FBXO33: variants seen among roughly 807,000 people sequenced by gnomAD.
FBXO33 encodes the protein F-box protein 33.
In FBXO33, 22 loss-of-function variants were observed where a neutral mutation model predicts 46.3. The observed-to-expected ratio is 0.48, with a 90% CI of 0.34 to 0.68. The LOEUF is 0.68. Ranked by LOEUF, FBXO33 falls within the 30% of genes least tolerant of loss-of-function variation. The pLI is 0.01. For synonymous variants in FBXO33, 337 were observed against 291.3 expected (o/e 1.16, Z -1.60); for missense variants, 692 against 708.8 (o/e 0.98, Z 0.27).
At chr14:39,422,150 C>T (rs988784957) in intron 1 of FBXO33, among the ~76,000 whole-genome samples, 5 of 152,040 alleles carry the variant, frequency 3.3e-5, no homozygotes, top group Non-Finnish European at 7.4e-5. Flanking sequence ...CTCAGCTACT[C>T]GGGAGACTGA....
At chr14:39,406,132 A>C (rs1364133351) in intron 1 of FBXO33, among the ~76,000 whole-genome samples, 1 of 152,002 alleles carries the variant, frequency 6.6e-6, no homozygotes, top group Non-Finnish European at 1.5e-5. Context: ...ATATCCATAA[A>C]TTATAAAGAC....
intron 1 of FBXO33, among the ~76,000 whole-genome samples, chr14:39,404,181 G>T (rs1442325467): frequency 6.6e-6 from 1 of 152,092 alleles, no homozygotes; most frequent in Non-Finnish European, 1.5e-5. Context: ...TTCCCTGAGG[G>T]CCTACGAAGT....
At chr14:39,421,964 AAAATAAAT>A (rs1308091772) in intron 1 of FBXO33, among the ~76,000 whole-genome samples, 1 of 152,226 alleles carries the variant, frequency 6.6e-6, no homozygotes, top group Non-Finnish European at 1.5e-5. Context: ...CCTCCAGATA[AAAATAAAT>A]ACAGACCAGG....
Position 39,398,382 on chromosome 14 carries a change from C to T in FBXO33, c.*1134G>A, listed in dbSNP as rs1250636358. 6.6e-6 allele frequency: 1 copy of T among 152,246 alleles called. No homozygotes were observed. The highest frequency in any genetic ancestry group is 1.9e-4 in the East Asian group (1 of 5,194). 9.4% of individuals were successfully genotyped at this position (152,246 alleles called of 1,614,324 possible). ...CTTCATGTATCATAGCAGCTCATAC[C>T]TGTGATAGAACAAGCTTTCAGTTTT... is the stretch of plus-strand genomic sequence containing the variant. On this transcript the variant is annotated 3_prime_UTR_variant, in exon 4 of 4. Transcript: ENST00000298097.
At chr14:39,424,504 A>C (rs554519542) in intron 1 of FBXO33, among the ~76,000 whole-genome samples, 12 of 152,202 alleles carry the variant, frequency 7.9e-5, no homozygotes, top group Non-Finnish European at 1.5e-4. Context: ...TTTATAAAAA[A>C]AATTAAAGTC....
rs1290710082 is a variant in FBXO33 at position 39,398,580 on chromosome 14, T to A, written c.*936A>T. The A allele has an allele frequency of 6.6e-6, 1 of 152,310 alleles. No individual in the cohort carries two copies. Among genetic ancestry groups the A allele is most frequent in the Non-Finnish European group, 1.5e-5 (1 of 68,000 alleles). 9.4% of individuals were successfully genotyped at this position (152,310 alleles called of 1,614,324 possible). ...CCTTAAATATTACAATCTAGCAGTATCTGGCTGGCCAGAGTGGGCCGGCCC... is the reference window on the plus strand; with the variant it reads ...CCTTAAATATTACAATCTAGCAGTAACTGGCTGGCCAGAGTGGGCCGGCCC... On this transcript the variant is annotated 3_prime_UTR_variant, in exon 4 of 4. Transcript: ENST00000298097.
At chr14:39,411,527 C>CT (rs1491426872) in intron 1 of FBXO33, among the ~76,000 whole-genome samples, 4 of 149,284 alleles carry the variant, frequency 2.7e-5, no homozygotes, top group South Asian at 2.1e-4. Flanking sequence ...CTTCCCCCCC[C>CT]TTTTTTTTTC....
chr14:39,422,702 A>G (rs1365803037), intron 1 of FBXO33, among the ~76,000 whole-genome samples: 6 of 152,232 alleles, frequency 3.9e-5, no homozygotes, highest in East Asian at 1.9e-4. Context: ...ACATAAGACA[A>G]TATCTTTTTG....
In FBXO33 at chr14:39,431,704, G is replaced by C. The variant is rs200851173; in HGVS notation, c.459C>G (p.Gly153=). The change falls in exon 1 of 4, where the codon GGC becomes GGG. Residue 153 remains glycine (G), a synonymous_variant. Transcript: ENST00000298097. ...FAAENYLSGG[G]PGDGGGADTG... is the part of the protein sequence containing the mutation. The stretch of plus-strand genomic sequence containing the variant: ...TGTCCGCGCCACCTCCGTCCCCTGG[G>C]CCACCGCCGCTCAGATAGTTCTCGG... 1.9e-6 allele frequency: 3 copies of C among 1,613,260 alleles called. No homozygotes were observed. In the Middle Eastern group the frequency reaches 4.9e-4, roughly 266 times the overall value.
At chr14:39,407,084 A>G (rs2075402115) in intron 1 of FBXO33, among the ~76,000 whole-genome samples, 1 of 152,250 alleles carries the variant, frequency 6.6e-6, no homozygotes, top group Non-Finnish European at 1.5e-5. Context: ...GTCACAGGAT[A>G]CAAGGTCAAT....
intron 1 of FBXO33, among the ~76,000 whole-genome samples, chr14:39,430,040 C>A (rs952973185): frequency 2.0e-5 from 3 of 152,206 alleles, no homozygotes; most frequent in Non-Finnish European, 4.4e-5. Context: ...GCAATTTGAT[C>A]TCAGTACAGA....
intron 1 of FBXO33, among the ~76,000 whole-genome samples, chr14:39,408,129 G>C (rs2075407330): frequency 6.6e-6 from 1 of 152,014 alleles, no homozygotes; most frequent in South Asian, 2.1e-4. Flanking sequence ...TTTTTTAGTA[G>C]AGACAGGGTT....
At chr14:39,412,897 C>G (rs970515037) in intron 1 of FBXO33, among the ~76,000 whole-genome samples, 5 of 152,358 alleles carry the variant, frequency 3.3e-5, no homozygotes, top group African/African-American at 1.2e-4. Flanking sequence ...CTAAAAAATG[C>G]TAACAATCAC....
At chr14:39,417,709 T>A (rs746043708) in intron 1 of FBXO33, among the ~76,000 whole-genome samples, 5 of 152,124 alleles carry the variant, frequency 3.3e-5, no homozygotes, top group Admixed American at 6.5e-5. Context: ...TTTTGTACTT[T>A]TAGTAGGGAT....
Position 39,431,782 on chromosome 14 carries a change from G to A in FBXO33, c.381C>T (p.Phe127=), listed in dbSNP as rs747260489. 1.7e-5 allele frequency: 28 copies of A among 1,612,654 alleles called. No individual in the cohort carries two copies. The highest frequency in any genetic ancestry group is 4.0e-5 in the African/African-American group (3 of 75,062). The change falls in exon 1 of 4, where the codon TTC becomes TTT. Residue 127 remains phenylalanine (F), a synonymous_variant. Transcript: ENST00000298097. Reference sequence around the variant, plus strand: ...CGAACCAGCCGCACTTGCGCATGAGGAATTCCAGCCGAGGCTGCTCCGCGG... The same window carrying A: ...CGAACCAGCCGCACTTGCGCATGAGAAATTCCAGCCGAGGCTGCTCCGCGG... ...VSPAEQPRLE[F]LMRKCGWFVR...
chr14:39,413,955 G>A (rs1416662727), intron 1 of FBXO33, among the ~76,000 whole-genome samples: 1 of 152,188 alleles, frequency 6.6e-6, no homozygotes, highest in Admixed American at 6.5e-5. Context: ...AATGGCAAAT[G>A]AGCACTGGCT....
intron 1 of FBXO33, among the ~76,000 whole-genome samples, chr14:39,419,117 A>G (rs541532200): frequency 7.9e-5 from 12 of 152,308 alleles, no homozygotes; most frequent in Admixed American, 2.0e-4. Context: ...CTACAACACT[A>G]AAGTACAGCA....
intron 1 of FBXO33, among the ~76,000 whole-genome samples, chr14:39,415,813 C>A (rs2075445811): frequency 6.6e-6 from 1 of 151,994 alleles, no homozygotes. Flanking sequence ...TTTACAGGTA[C>A]CCCCTACCAT....
At chr14:39,410,819 C>T (rs1273518927) in intron 1 of FBXO33, among the ~76,000 whole-genome samples, 1 of 152,132 alleles carries the variant, frequency 6.6e-6, no homozygotes, top group East Asian at 1.9e-4. Flanking sequence ...GAAATGAAGG[C>T]TCACAGGAGT....
Sources: gnomAD v4.1 joint callset for allele counts (sites outside exome capture counted in the v4.1 genomes callset) on GRCh38, gnomAD v4.1.1 for gene constraint, MANE v1.5 for transcripts, NCBI Gene and HGNC (gene_info 2026-07-23, HGNC 2026-07-21) for gene names.